Variants in DNAH2 observed in about 807,000 individuals in gnomAD.
DNAH2 encodes the protein dynein axonemal heavy chain 2, also known as axonemal beta dynein heavy chain 2.
Under a neutral mutation model 523.5 loss-of-function variants are expected in DNAH2, and 323 were observed. That is an observed-to-expected ratio of 0.62 (90% CI 0.56 to 0.68). The LOEUF is 0.68. Among genes scored for constraint, DNAH2 ranks in the 30% least tolerant of loss-of-function variants. The probability of loss-of-function intolerance (pLI) is 0.00; values close to 1 mark genes in which losing one functional copy is unlikely to be tolerated. For missense variants in DNAH2, 4,907 were observed against 5,701.5 expected (o/e 0.86, Z 4.49); for synonymous variants, 2,093 against 2,177.4 (o/e 0.96, Z 1.08).
At chr17:7,809,544 G>A (rs2077454904) in intron 63 of DNAH2, among the ~76,000 whole-genome samples, 1 of 152,254 alleles carries the variant, frequency 6.6e-6, no homozygotes, top group South Asian at 2.1e-4. Flanking sequence ...TCCCAAGAGC[G>A]AAGAATCACA....
chr17:7,831,671 A>G lies in DNAH2; in HGVS notation c.12622A>G (p.Thr4208Ala). 6.2e-7 allele frequency: 1 copy of G among 1,614,088 alleles called. No homozygotes were observed. The highest frequency in any genetic ancestry group is 8.5e-7 in the Non-Finnish European group (1 of 1,179,990). Residue 4208 changes from threonine (T) to alanine (A), a missense_variant, in exon 82 of 86, where the codon ACA becomes GCA. Physicochemically the swap from Thr to Ala is moderately conservative, Grantham distance 58 (BLOSUM62 0). This residue lies in a region of DNAH2 where 1,851 missense variants were observed against 2,139.4 expected (regional missense o/e 0.87). Transcript: ENST00000572933. The surrounding 1 kb of genome is among the most constrained non-coding windows in gnomAD (Gnocchi z 4.2). ...TLMQTILFSLTDLEKGIQGLI... is the reference protein window; with the variant it reads ...TLMQTILFSLADLEKGIQGLI... ...CCTCATCCTGCTCAGGTTCTCACTG[A>G]CAGACCTAGAGAAAGGCATCCAGGG...
At position 7,780,754 on chromosome 17, in the gene DNAH2, G is replaced by T; in HGVS notation, c.5975G>T (p.Arg1992Leu). 6.2e-7 allele frequency: 1 copy of T among 1,614,234 alleles called. No homozygotes were observed. Among genetic ancestry groups the T allele is most frequent in the Non-Finnish European group, 8.5e-7 (1 of 1,180,056 alleles). The change falls in exon 38 of 86, where the codon CGC becomes CTC. Residue 1992 changes from arginine to leucine, a missense_variant. By Grantham distance (102) the Arg-to-Leu change is moderately radical (BLOSUM62 -2). Around this residue, in one of 3 missense-constraint regions of DNAH2, gnomAD observed 2,806 missense variants for 3,190.8 expected, o/e 0.88. Coordinates refer to ENST00000572933, the MANE Select transcript of DNAH2 (RefSeq NM_020877.5). The surrounding 1 kb of genome is among the most constrained non-coding windows in gnomAD (Gnocchi z 4.4). ...CTGCGCTATGCTGGCAAGAAGCGCC[G>T]CCTACAGCCGGATCTGACTGATGAA... Reference protein sequence around the residue: ...SLLRYAGKKRRLQPDLTDEEV... With the variant: ...SLLRYAGKKRLLQPDLTDEEV...
In DNAH2 at chr17:7,823,501, C is replaced by T. The variant is rs915685196; in HGVS notation, c.11202C>T (p.Tyr3734=). ...GTAGTAGCTGGCTTGCAGATGCCTACTGGGATAACATCACAGAGCTAGACA... is the reference window on the plus strand; with the variant it reads ...GTAGTAGCTGGCTTGCAGATGCCTATTGGGATAACATCACAGAGCTAGACA... ...NPCSSWLADA[Y]WDNITELDKL... The change falls in exon 74 of 86, where the codon TAC becomes TAT. Residue 3734 remains tyrosine, a synonymous_variant. Transcript: ENST00000572933. The T allele has an allele frequency of 4.3e-6, 7 of 1,614,018 alleles. No individual in the cohort carries two copies. The highest frequency in any genetic ancestry group is 4.0e-5 in the African/African-American group (3 of 74,898).
chr17:7,830,286 T>G lies in DNAH2; in HGVS notation c.11854-14T>G. The G allele has an allele frequency of 1.2e-6, 2 of 1,609,868 alleles. No homozygotes were observed. The highest frequency in any genetic ancestry group is 8.5e-7 in the Non-Finnish European group (1 of 1,177,722). On this transcript the variant is annotated splice_polypyrimidine_tract_variant and intron_variant, in intron 77 of 85. Coordinates refer to ENST00000572933, the MANE Select transcript of DNAH2 (RefSeq NM_020877.5). ...GATGCATGTCACCCCATCTTTATAT[T>G]TCATTGTCCCCAGGGCCTAAAGGCC...
In DNAH2 at chr17:7,833,534, G is replaced by A; in HGVS notation, c.*1G>A. ...TCTACTCATGAGCCTGGACAGCTGA[G>A]ACCTCCTCCTCTTCTCCGCTTGAGA... On this transcript the variant is annotated 3_prime_UTR_variant, in exon 86 of 86. Coordinates refer to ENST00000572933, the MANE Select transcript of DNAH2 (RefSeq NM_020877.5). 9.9e-6 allele frequency: 16 copies of A among 1,613,486 alleles called. No homozygotes were observed. The highest frequency in any genetic ancestry group is 1.4e-5 in the Non-Finnish European group (16 of 1,179,972).
intron 56 of DNAH2, among the ~76,000 whole-genome samples, chr17:7,800,307 T>A (rs569643614): frequency 2.6e-5 from 4 of 152,236 alleles, no homozygotes; most frequent in African/African-American, 9.6e-5. Flanking sequence ...CGCCTTGGCA[T>A]CCCAAAGTGC....
At position 7,718,450 on chromosome 17, in the gene DNAH2, G is replaced by A. The variant is rs1338438414; in HGVS notation, c.-364G>A. The A allele has an allele frequency of 6.6e-6, 1 of 152,186 alleles. No homozygotes were observed. Among genetic ancestry groups the A allele is most frequent in the Non-Finnish European group, 1.5e-5 (1 of 68,026 alleles). The allele number at this position is 152,186 out of a possible 1,614,324, so 9.4% of individuals were successfully genotyped here. A position where few individuals can be genotyped will look rare whatever the true frequency, so the allele number is the denominator to read the frequency against. ...GAAGGAGAGCCACAGGTGCCGTTAG[G>A]CTGCAGCCTAATGAAAAGAGAGTGC... is the stretch of plus-strand genomic sequence containing the variant. On this transcript the variant is annotated 5_prime_UTR_variant, in exon 1 of 86. Transcript: ENST00000572933.
chr17:7,818,491 A>G, intron 69 of DNAH2, 31 bp downstream of exon 69: 1 of 1,611,756 alleles, frequency 6.2e-7, no homozygotes, highest in Non-Finnish European at 8.5e-7. Flanking sequence ...AGACTGAGCT[A>G]GGGTGAAGCA....
At chr17:7,791,643 A>G (rs191712926) in intron 44 of DNAH2, among the ~76,000 whole-genome samples, 55 of 152,294 alleles carry the variant, frequency 3.6e-4, no homozygotes, top group Admixed American at 3.4e-3. Context: ...TTGCTTTTCC[A>G]GGGCAGGCCT....
At position 7,824,290 on chromosome 17, in the gene DNAH2, A is replaced by G; in HGVS notation, c.11648A>G (p.Glu3883Gly). ...CCCATCGCTGCTCGGCTCCTCCGAGAGGGTGTGACTCAGGGTTGGTGTCCA... is the reference window on the plus strand; with the variant it reads ...CCCATCGCTGCTCGGCTCCTCCGAGGGGGTGTGACTCAGGGTTGGTGTCCA... Reference protein sequence around the residue: ...QAPIAARLLREGVTQGHWVFL... With the variant: ...QAPIAARLLRGGVTQGHWVFL... Residue 3883 changes from glutamate (E) to glycine (G), a missense_variant, in exon 76 of 86, where the codon GAG becomes GGG. Physicochemically the swap from Glu to Gly is moderately conservative, Grantham distance 98. Transcript: ENST00000572933. 6.5e-7 allele frequency: 1 copy of G among 1,527,454 alleles called. No individual in the cohort carries two copies. The highest frequency in any genetic ancestry group is 8.8e-7 in the Non-Finnish European group (1 of 1,141,638). The allele number at this position is 1,527,454 out of a possible 1,614,324, so 94.6% of individuals were successfully genotyped here. A position where few individuals can be genotyped will look rare whatever the true frequency, so the allele number is the denominator to read the frequency against.
rs761679677 is a variant in DNAH2 at position 7,801,625 on chromosome 17, A to G, written c.8747A>G (p.Asn2916Ser). ...GCCTTGGTGAACTGCACAACCATCA[A>G]CTGGTTCTCAGAGTGGCCCCAAGAG... ...YPALVNCTTINWFSEWPQEAL... is the reference protein window; with the variant it reads ...YPALVNCTTISWFSEWPQEAL... Residue 2916 changes from asparagine (N) to serine (S), a missense_variant, in exon 57 of 86, where the codon AAC becomes AGC. By Grantham distance (46) the Asn-to-Ser change is conservative (BLOSUM62 1). Around this residue, in one of 3 missense-constraint regions of DNAH2, gnomAD observed 1,851 missense variants for 2,139.4 expected, o/e 0.87. Transcript: ENST00000572933. The G allele has an allele frequency of 1.1e-5, 17 of 1,614,040 alleles. No individual in the cohort carries two copies. The highest frequency in any genetic ancestry group is 3.3e-4 in the Middle Eastern group (2 of 6,084).
At chr17:7,721,252 C>T (rs1015410220) in intron 2 of DNAH2, among the ~76,000 whole-genome samples, 1 of 152,174 alleles carries the variant, frequency 6.6e-6, no homozygotes, top group African/African-American at 2.4e-5. Flanking sequence ...CAGTTCACTG[C>T]AACCTCCACC....
At position 7,742,984 on chromosome 17, in the gene DNAH2, C is replaced by T. The variant is rs2075397825; in HGVS notation, c.1746C>T (p.His582=). 6.6e-7 allele frequency: 1 copy of T among 1,507,124 alleles called. No homozygotes were observed. Among genetic ancestry groups the T allele is most frequent in the Non-Finnish European group, 8.8e-7 (1 of 1,130,706 alleles). The allele number at this position is 1,507,124 out of a possible 1,614,324, so 93.4% of individuals were successfully genotyped here. ...PRIGTGKESV[H]TYQQMVQAID... is the part of the protein sequence containing the mutation. ...TTGGGACTGGAAAGGAGAGTGTGCA[C>T]ACCTATCAGCAGATGGTCCAGGCCA... Residue 582 remains histidine (H), a synonymous_variant, in exon 12 of 86, where the codon CAC becomes CAT. Coordinates refer to ENST00000572933, the MANE Select transcript of DNAH2 (RefSeq NM_020877.5).
intron 58 of DNAH2, among the ~76,000 whole-genome samples, chr17:7,803,729 C>T (rs1210994976): frequency 1.3e-5 from 2 of 151,918 alleles, no homozygotes; most frequent in Non-Finnish European, 2.9e-5. Flanking sequence ...AATCCCAGCA[C>T]GTTGGGAGGC....
intron 77 of DNAH2, among the ~76,000 whole-genome samples, chr17:7,827,940 T>C (rs2078066154): frequency 6.6e-6 from 1 of 151,980 alleles, no homozygotes; most frequent in African/African-American, 2.4e-5. Flanking sequence ...TTTGTTTGTT[T>C]GTTTGTTTGT....
rs2075954711 is a variant in DNAH2 at position 7,759,821 on chromosome 17, GC to G, written c.2669del (p.Ala890GlufsTer56). On this transcript the variant is annotated frameshift_variant, in exon 17 of 86. Transcript: ENST00000572933. LOFTEE classifies it high-confidence loss of function. Reference protein sequence around the residue: ...VEFSPTLQTLAGVVNDIGNHL... With the variant: ...VEFSPTLQTLXGVVNDIGNHL... Reference sequence around the variant, plus strand: ...ATTCTCACCCACTCTGCAGACTTTGGCAGGTGTGGTCAATGACATTGGCAAC... The same window carrying G: ...ATTCTCACCCACTCTGCAGACTTTGGAGGTGTGGTCAATGACATTGGCAAC... 1 of 1,614,168 alleles carries G rather than the reference GC, an allele frequency of 6.2e-7. No homozygotes were observed. Among genetic ancestry groups the G allele is most frequent in the Non-Finnish European group, 8.5e-7 (1 of 1,180,036 alleles).
intron 13 of DNAH2, 93 bp downstream of exon 13, chr17:7,757,330 A>G: frequency 1.4e-6 from 2 of 1,462,054 alleles, no homozygotes. Flanking sequence ...ATTTTCTACA[A>G]TTTCTGTCCT....
chr17:7,728,994 T>C (rs975434462), intron 4 of DNAH2, among the ~76,000 whole-genome samples: 1 of 149,974 alleles, frequency 6.7e-6, no homozygotes, highest in African/African-American at 2.5e-5. Flanking sequence ...CAAAAAAAAA[T>C]ACAAAAACAA....
At chr17:7,809,042 G>A (rs921804277) in intron 63 of DNAH2, among the ~76,000 whole-genome samples, 1 of 152,158 alleles carries the variant, frequency 6.6e-6, no homozygotes, top group Admixed American at 6.5e-5. Context: ...TTATTTAACT[G>A]TTCCCCATTT....
Sources: allele counts gnomAD v4.1 joint callset (sites outside exome capture counted in the v4.1 genomes callset), GRCh38; gene constraint gnomAD v4.1.1; regional missense constraint gnomAD v4.1.1; non-coding constraint Gnocchi (gnomAD v3.1); transcripts MANE v1.5; gene names NCBI Gene and HGNC (gene_info 2026-07-23, HGNC 2026-07-21).